Variants in NECTIN3 observed in about 807,000 individuals in gnomAD.
NECTIN3 encodes the protein nectin-3.
A neutral mutation model predicts 49.4 loss-of-function variants in NECTIN3; 8 were observed. The observed-to-expected ratio is 0.16, with a 90% CI of 0.10 to 0.29. The LOEUF is 0.29. Ranked by LOEUF, NECTIN3 falls within the 10% of genes least tolerant of loss-of-function variation. The probability of loss-of-function intolerance (pLI) is 1.00; values close to 1 mark genes in which losing one functional copy is unlikely to be tolerated. For synonymous variants in NECTIN3, 277 were observed against 241.1 expected (o/e 1.15, Z -1.38); for missense variants, 581 against 654.6 (o/e 0.89, Z 1.23).
intron 7 of NECTIN3, among the ~76,000 whole-genome samples, chr3:111,179,831 C>T (rs571509248): frequency 2.5e-4 from 38 of 150,654 alleles, no homozygotes; most frequent in Admixed American, 4.6e-4. Context: ...AGACAGCTTG[C>T]AGTGAGCCGA....
downstream of NECTIN3, among the ~76,000 whole-genome samples, chr3:111,140,985 T>G (rs1039498833): frequency 2.0e-5 from 3 of 151,972 alleles, no homozygotes; most frequent in African/African-American, 7.2e-5. Flanking sequence ...TTCACTCTAC[T>G]TTGGGGGATT....
chr3:111,122,037 GTC>G lies in NECTIN3; in HGVS notation c.800-82_800-81del, dbSNP rs2033978452. ...ATGGTTCCTGTTATTCTAAGGCTTT[GTC>G]TATTATCTTAATATTTTATCATGTA... is the stretch of plus-strand genomic sequence containing the variant. On this transcript the variant is annotated intron_variant, in intron 3 of 5. Coordinates refer to ENST00000485303, the MANE Select transcript of NECTIN3 (RefSeq NM_015480.3). 1.7e-5 allele frequency: 16 copies of G among 943,994 alleles called. 1 individual carries two copies. The South Asian group carries it at 2.5e-4, about 15-fold the overall frequency. 58.5% of individuals were successfully genotyped at this position (943,994 alleles called of 1,614,324 possible).
At chr3:111,099,397 C>T (rs148946566) in intron 1 of NECTIN3, among the ~76,000 whole-genome samples, 1,723 of 152,188 alleles carry the variant, frequency 0.011, 14 homozygotes, top group Non-Finnish European at 0.019. Flanking sequence ...ACAAAATTTT[C>T]GCTTGGTTAA....
intron 1 of NECTIN3, chr3:111,072,598 C>T (rs1456591552): frequency 2.0e-6 from 3 of 1,531,340 alleles, no homozygotes; most frequent in African/African-American, 1.4e-5. Flanking sequence ...GGACCGGAGC[C>T]CGATGGAATG....
chr3:111,138,112 T>C (rs532613984), downstream of NECTIN3, among the ~76,000 whole-genome samples: 1 of 151,868 alleles, frequency 6.6e-6, no homozygotes, highest in East Asian at 1.9e-4. Flanking sequence ...AAGGTATTTC[T>C]TAAGTTGACA....
Position 111,118,763 on chromosome 3 carries a change from A to G in NECTIN3, c.610A>G (p.Ile204Val). 1 of 1,614,142 alleles carries G rather than the reference A, an allele frequency of 6.2e-7. No individual in the cohort carries two copies. Among genetic ancestry groups the G allele is most frequent in the Non-Finnish European group, 8.5e-7 (1 of 1,180,016 alleles). The change falls in exon 3 of 6, where the codon ATT (isoleucine) becomes GTT (valine). Residue 204 changes from isoleucine (I) to valine (V), a missense_variant. Transcript: ENST00000485303. ...IAATGKPVAHIDWEGDLGEME... is the reference protein window; with the variant it reads ...IAATGKPVAHVDWEGDLGEME... ...AGCCACTGGAAAACCCGTTGCACAT[A>G]TTGACTGGGAAGGTGATCTTGGTGA...
At position 111,134,298 on chromosome 3, in the gene NECTIN3, G is replaced by A; in HGVS notation, c.*83G>A. On this transcript the variant is annotated 3_prime_UTR_variant, in exon 6 of 6. Coordinates refer to ENST00000485303, the MANE Select transcript of NECTIN3 (RefSeq NM_015480.3). Reference sequence around the variant, plus strand: ...TCAGATTGTTCATACTTTTTCTTGAGGAAGAATAAGCTTTTTCAAGTTGAT... The same window carrying A: ...TCAGATTGTTCATACTTTTTCTTGAAGAAGAATAAGCTTTTTCAAGTTGAT... 1 of 1,469,728 alleles carries A rather than the reference G, an allele frequency of 6.8e-7. No individual in the cohort carries two copies. Among genetic ancestry groups the A allele is most frequent in the Non-Finnish European group, 9.0e-7 (1 of 1,113,462 alleles). 91.0% of individuals were successfully genotyped at this position (1,469,728 alleles called of 1,614,324 possible).
At chr3:111,163,234 A>G (rs1315761250) in intron 7 of NECTIN3, among the ~76,000 whole-genome samples, 1 of 152,112 alleles carries the variant, frequency 6.6e-6, no homozygotes, top group African/African-American at 2.4e-5. Context: ...GTAGCTTCCT[A>G]CTAGCTAGAC....
intron 1 of NECTIN3, among the ~76,000 whole-genome samples, chr3:111,090,697 A>G (rs1472079995): frequency 2.1e-5 from 1 of 46,768 alleles, no homozygotes; most frequent in African/African-American, 3.3e-5. Context: ...ATGGCATCTT[A>G]AAGTTTTCCA....
chr3:111,145,076 A>G (rs560585504), intron 6 of NECTIN3: 25 of 1,503,400 alleles, frequency 1.7e-5, no homozygotes, highest in Admixed American at 5.9e-5. Flanking sequence ...TATGAATATC[A>G]GTATGTGTCC....
At chr3:111,174,653 C>G (rs1480650460) in intron 7 of NECTIN3, among the ~76,000 whole-genome samples, 2 of 150,338 alleles carry the variant, frequency 1.3e-5, no homozygotes, top group East Asian at 3.9e-4. Flanking sequence ...TCCTTGATCC[C>G]CCTTGCAGGA....
intron 1 of NECTIN3, among the ~76,000 whole-genome samples, chr3:111,083,809 G>A (rs1220728354): frequency 1.3e-5 from 2 of 152,096 alleles, no homozygotes; most frequent in Non-Finnish European, 2.9e-5. Flanking sequence ...CTATATTGAG[G>A]GGCAGTTTGT....
intron 1 of NECTIN3, chr3:111,072,845 G>GT: frequency 2.9e-6 from 1 of 348,792 alleles, no homozygotes; most frequent in Non-Finnish European, 5.3e-6. Flanking sequence ...AGATTTACGT[G>GT]TTAAATACCT....
chr3:111,072,699 C>A, intron 1 of NECTIN3: 1 of 1,001,610 alleles, frequency 1.0e-6, no homozygotes, highest in Non-Finnish European at 1.5e-6. Flanking sequence ...AGCTAGTTTT[C>A]TTCTGTCTTG....
chr3:111,111,893 GTGTGCA>G (rs1407183137), intron 1 of NECTIN3, 131 bp from the exon 2 acceptor site: 85 of 495,794 alleles, frequency 1.7e-4, no homozygotes, highest in Non-Finnish European at 2.4e-4. Context: ...ATGTGTGTGT[GTGTGCA>G]TGTGTGTGTG....
chr3:111,192,124 G>T (rs1021608716), upstream of NECTIN3, among the ~76,000 whole-genome samples: 3 of 152,166 alleles, frequency 2.0e-5, no homozygotes, highest in African/African-American at 7.2e-5. Context: ...GAGCCACTGT[G>T]CCCAGCCCTA....
At chr3:111,157,988 A>G (rs1411376318) in intron 7 of NECTIN3, among the ~76,000 whole-genome samples, 2 of 152,084 alleles carry the variant, frequency 1.3e-5, no homozygotes, top group Non-Finnish European at 2.9e-5. Context: ...TTTGAATTTC[A>G]TTTTAAGAAC....
At chr3:111,111,871 G>A in intron 1 of NECTIN3, 159 bp from the exon 2 acceptor site, 2 of 561,994 alleles carry the variant, frequency 3.6e-6, no homozygotes, top group Non-Finnish European at 3.2e-6. Flanking sequence ...TGTGTGTGGT[G>A]CGTGTGAGTG....
chr3:111,183,836 G>C (rs929362608), intron 7 of NECTIN3, among the ~76,000 whole-genome samples: 1 of 152,024 alleles, frequency 6.6e-6, no homozygotes, highest in African/African-American at 2.4e-5. Flanking sequence ...AAAGGTGTTA[G>C]AGTGGCTTTC....
Sources: allele counts gnomAD v4.1 joint callset (sites outside exome capture counted in the v4.1 genomes callset), GRCh38; gene constraint gnomAD v4.1.1; transcripts MANE v1.5; gene names NCBI Gene and HGNC (gene_info 2026-07-23, HGNC 2026-07-21).